The following DAB1 variants were observed in gnomAD, a reference collection of about 807,000 sequenced individuals.
DAB1 encodes the protein disabled homolog 1.
Under a neutral mutation model 64.6 loss-of-function variants are expected in DAB1, and 15 were observed. The observed-to-expected ratio is 0.23, with a 90% CI of 0.16 to 0.36. DAB1 has a LOEUF of 0.36. Among genes scored for constraint, DAB1 ranks in the 10% least tolerant of loss-of-function variants. The probability of loss-of-function intolerance (pLI) is 1.00; values close to 1 mark genes in which losing one functional copy is unlikely to be tolerated. For missense variants in DAB1, 596 were observed against 706.7 expected (o/e 0.84, Z 1.78); for synonymous variants, 235 against 251.9 (o/e 0.93, Z 0.64).
intron 6 of DAB1, among the ~76,000 whole-genome samples, chr1:57,815,236 T>C (rs1481976579): frequency 1.3e-5 from 2 of 151,990 alleles, no homozygotes; most frequent in Admixed American, 6.6e-5. Flanking sequence ...ACCCGGCTAA[T>C]TTTTTGTATT....
chr1:57,036,485 C>A (rs1055044757), intron 9 of DAB1, among the ~76,000 whole-genome samples: 7 of 152,154 alleles, frequency 4.6e-5, no homozygotes, highest in Non-Finnish European at 8.8e-5. Flanking sequence ...GGAGATGCTG[C>A]CAGCTAATAA....
intron 1 of DAB1, among the ~76,000 whole-genome samples, chr1:57,387,744 C>T (rs1681997757): frequency 6.7e-6 from 1 of 149,346 alleles, no homozygotes; most frequent in Non-Finnish European, 1.5e-5. Flanking sequence ...ATTGCTTGAA[C>T]CCAGGAGGTG....
intron 10 of DAB1, among the ~76,000 whole-genome samples, chr1:57,025,443 G>C: frequency 6.6e-6 from 1 of 152,146 alleles, no homozygotes; most frequent in Non-Finnish European, 1.5e-5. Context: ...GGGCAGGCTG[G>C]AAGGGAGGGA....
intron 7 of DAB1, among the ~76,000 whole-genome samples, chr1:57,569,665 G>A (rs768114583): frequency 2.6e-5 from 4 of 151,678 alleles, no homozygotes; most frequent in Admixed American, 6.6e-5. Flanking sequence ...GTTAATGGGG[G>A]CATCACACCA....
intron 3 of DAB1, among the ~76,000 whole-genome samples, chr1:58,429,755 C>T (rs1644851801): frequency 1.3e-5 from 2 of 152,192 alleles, no homozygotes; most frequent in Admixed American, 1.3e-4. Flanking sequence ...AACCCCACTC[C>T]CTGAGCACCG....
At chr1:57,027,882 A>G (rs887538885) in intron 9 of DAB1, among the ~76,000 whole-genome samples, 1 of 152,190 alleles carries the variant, frequency 6.6e-6, no homozygotes, top group Admixed American at 6.5e-5. Flanking sequence ...ATTTTTCATA[A>G]ATGTTCAACA....
rs200934443 is a variant in DAB1, at chr1:57,114,920, CT to C, written c.306+21622del. Among the ~76,000 whole-genome samples, 7 of 151,492 alleles carry C rather than the reference CT, an allele frequency of 4.6e-5. No homozygotes were observed. In the East Asian group the frequency reaches 7.8e-4, roughly 17 times the overall value. On this transcript the variant is annotated intron_variant, in intron 4 of 14. Transcript: ENST00000371236. ...ATGTTGCTTAACTTTGTAAGCTGTCCTTTTTTTTTCTTTCTCTATCTGTAGA... is the reference window on the plus strand; with the variant it reads ...ATGTTGCTTAACTTTGTAAGCTGTCCTTTTTTTTCTTTCTCTATCTGTAGA...
rs551151249 is a variant in DAB1 at position 57,551,637 on chromosome 1, G to A, written n.625+97955C>T. Among the ~76,000 whole-genome samples the A allele has an allele frequency of 5.9e-5, 9 of 152,264 alleles. 1 individual carries two copies. Among genetic ancestry groups the A allele is most frequent in the South Asian group, 4.1e-4 (2 of 4,820 alleles). ...AACCTGAGATCCCACTGCTGCCTGC[G>A]TCAACATCATTCTATATGTAAATGC... On this transcript the variant is annotated intron_variant and non_coding_transcript_variant, in intron 7 of 20. Coordinates refer to the DAB1 transcript ENST00000485760.
intron 7 of DAB1, among the ~76,000 whole-genome samples, chr1:57,622,141 A>G (rs751048502): frequency 3.9e-5 from 6 of 152,242 alleles, no homozygotes; most frequent in Non-Finnish European, 5.9e-5. Context: ...TTTCAGAAAT[A>G]AGAGACCTGT....
At chr1:57,651,692 A>ATTT (rs1646258286) in intron 6 of DAB1, among the ~76,000 whole-genome samples, 1 of 152,204 alleles carries the variant, frequency 6.6e-6, no homozygotes, top group Non-Finnish European at 1.5e-5. Flanking sequence ...AAAGCCTGGA[A>ATTT]TTCAAAACAG....
chr1:57,861,979 G>A (rs1654060720), intron 1 of DAB1, among the ~76,000 whole-genome samples: 1 of 152,012 alleles, frequency 6.6e-6, no homozygotes, highest in Admixed American at 6.6e-5. Flanking sequence ...AATGCTCCTT[G>A]TGATGGGAAG....
At chr1:57,640,986 C>A (rs1455239469) in intron 7 of DAB1, among the ~76,000 whole-genome samples, 21 of 152,182 alleles carry the variant, frequency 1.4e-4, no homozygotes. Flanking sequence ...AATCATCTTG[C>A]AGCAAATTGG....
chr1:57,981,560 T>C (rs1646065870), intron 5 of DAB1, among the ~76,000 whole-genome samples: 1 of 152,232 alleles, frequency 6.6e-6, no homozygotes, highest in South Asian at 2.1e-4. Context: ...ATGTCAATAG[T>C]TATGCCTCAG....
rs1014281194 is a variant in DAB1 at position 58,147,928 on chromosome 1, A to G, written n.387+2583T>C. 6.8e-5 allele frequency among the ~76,000 whole-genome samples: 10 copies of G among 147,704 alleles called. 1 individual carries two copies. In the South Asian group the frequency reaches 1.1e-3, roughly 16 times the overall value. ...AGCATTGGAGCAGGGATTTCAATCC[A>G]TATCTGTATTACTCTGAAGCTCATG... On this transcript the variant is annotated intron_variant and non_coding_transcript_variant, in intron 5 of 20. Transcript: ENST00000485760.
chr1:58,436,428 C>A (rs1474650799), intron 3 of DAB1, among the ~76,000 whole-genome samples: 1 of 152,290 alleles, frequency 6.6e-6, no homozygotes, highest in Middle Eastern at 3.4e-3. Flanking sequence ...GCCAACTTCA[C>A]CCAAGATTCC....
chr1:58,125,228 T>C (rs1652989190), intron 5 of DAB1, among the ~76,000 whole-genome samples: 1 of 152,174 alleles, frequency 6.6e-6, no homozygotes, highest in African/African-American at 2.4e-5. Flanking sequence ...CTGTGTGGGA[T>C]GTTTCACTAA....
At chr1:58,383,224 G>A (rs566074074) in intron 3 of DAB1, among the ~76,000 whole-genome samples, 2 of 151,550 alleles carry the variant, frequency 1.3e-5, no homozygotes, top group African/African-American at 4.9e-5. Flanking sequence ...AGTACAGATA[G>A]GTTAAATTAT....
chr1:57,971,119 G>A (rs1645785920), intron 5 of DAB1, among the ~76,000 whole-genome samples: 1 of 152,136 alleles, frequency 6.6e-6, no homozygotes, highest in African/African-American at 2.4e-5. Flanking sequence ...ATTCTGAGAG[G>A]TCAGTTTGTC....
At chr1:58,495,459 T>C (rs1428122595) in intron 3 of DAB1, among the ~76,000 whole-genome samples, 1 of 152,142 alleles carries the variant, frequency 6.6e-6, no homozygotes, top group East Asian at 1.9e-4. Flanking sequence ...ATTTAGTTTC[T>C]CATGCCACTT....
Sources: gnomAD v4.1 joint callset for allele counts (sites outside exome capture counted in the v4.1 genomes callset) on GRCh38, gnomAD v4.1.1 for gene constraint, MANE v1.5 for transcripts, NCBI Gene and HGNC (gene_info 2026-07-23, HGNC 2026-07-21) for gene names.